ZHX3: variants seen among roughly 807,000 people sequenced by gnomAD.
ZHX3 encodes the protein zinc fingers and homeoboxes protein 3.
A neutral mutation model predicts 64.5 loss-of-function variants in ZHX3; 20 were observed. That is an observed-to-expected ratio of 0.31 (90% CI 0.22 to 0.45). The LOEUF (loss-of-function observed/expected upper bound fraction) is 0.45, where lower values mean the gene tolerates loss of function less well. Among genes scored for constraint, ZHX3 ranks in the 20% least tolerant of loss-of-function variants. ZHX3 has a pLI of 1.00. For missense variants in ZHX3, 1,041 were observed against 1,195.8 expected, an observed-to-expected ratio of 0.87 and a Z score of 1.91; for synonymous variants, 423 against 461.6, an observed-to-expected ratio of 0.92 and a Z score of 1.07.
At chr20:41,287,053 T>G (rs2043971171) in intron 1 of ZHX3, among the ~76,000 whole-genome samples, 1 of 152,232 alleles carries the variant, frequency 6.6e-6, no homozygotes, top group South Asian at 2.1e-4. Context: ...AGGTAGTATC[T>G]TTATAGCAGT....
rs565198872 is a variant in ZHX3 at position 41,303,601 on chromosome 20, G to C, written c.-245+13908C>G. 2.6e-5 allele frequency among the ~76,000 whole-genome samples: 4 copies of C among 152,208 alleles called. No homozygotes were observed. In the East Asian group the frequency reaches 7.7e-4, roughly 29 times the overall value. On this transcript the variant is annotated intron_variant, in intron 1 of 3. Coordinates refer to ENST00000683867, the MANE Select transcript of ZHX3 (RefSeq NM_001384317.1). ...ATAGACTTCTCTGTATCCCCAAATAGCCTTTCCTCTTTCCACACAGTCAAA... is the reference window on the plus strand; with the variant it reads ...ATAGACTTCTCTGTATCCCCAAATACCCTTTCCTCTTTCCACACAGTCAAA...
intron 1 of ZHX3, among the ~76,000 whole-genome samples, chr20:41,314,910 T>C (rs993601429): frequency 6.6e-6 from 1 of 152,148 alleles, no homozygotes; most frequent in Admixed American, 6.6e-5. Flanking sequence ...TTCTGAGCCC[T>C]GAGGATATAT....
Position 41,202,628 on chromosome 20 carries a change from G to C in ZHX3, c.2289C>G (p.Leu763=). Residue 763 remains leucine (L), a synonymous_variant, in exon 3 of 4, where the codon CTC becomes CTG. Transcript: ENST00000683867. The surrounding 1 kb of genome is among the most constrained non-coding windows in gnomAD (Gnocchi z 7.0). ...TCTTTTTGCAGCTCACTTTGCCTGG[G>C]AGCTGCTCTGCCAGTTTGTTTGACT... ...DDESNKLAEQ[L]PGKVSCKKTA... is the part of the protein sequence containing the mutation. The C allele has an allele frequency of 2.5e-6, 4 of 1,613,858 alleles. No homozygotes were observed. Among genetic ancestry groups the C allele is most frequent in the Non-Finnish European group, 3.4e-6 (4 of 1,180,014 alleles).
At chr20:41,227,313 G>A (rs1290160508) in intron 2 of ZHX3, among the ~76,000 whole-genome samples, 1 of 152,172 alleles carries the variant, frequency 6.6e-6, no homozygotes, top group Non-Finnish European at 1.5e-5. Context: ...GGAAAGGAGA[G>A]GAATAGTGCT....
At chr20:41,306,573 C>T (rs1035901358) in intron 1 of ZHX3, among the ~76,000 whole-genome samples, 1 of 152,194 alleles carries the variant, frequency 6.6e-6, no homozygotes, top group Non-Finnish European at 1.5e-5. Flanking sequence ...TGGTGTCCAG[C>T]ATAGTATCTG....
intron 2 of ZHX3, among the ~76,000 whole-genome samples, chr20:41,238,369 CAG>C (rs1374028301): frequency 6.6e-6 from 1 of 151,474 alleles, no homozygotes; most frequent in African/African-American, 2.4e-5. Context: ...AGGGTAATAA[CAG>C]AGACTAAGAG....
chr20:41,304,550 T>C (rs2044918380), intron 1 of ZHX3, among the ~76,000 whole-genome samples: 1 of 152,240 alleles, frequency 6.6e-6, no homozygotes, highest in Admixed American at 6.5e-5. Flanking sequence ...TACAGAGAAA[T>C]AGAACCAATA....
chr20:41,208,449 A>G (rs1045740872), intron 2 of ZHX3, among the ~76,000 whole-genome samples: 1 of 152,262 alleles, frequency 6.6e-6, no homozygotes, highest in African/African-American at 2.4e-5. Context: ...TCAATAAAAT[A>G]CTGGCAAATC....
chr20:41,254,341 C>A (rs965408872), intron 2 of ZHX3, among the ~76,000 whole-genome samples: 1 of 152,142 alleles, frequency 6.6e-6, no homozygotes, highest in African/African-American at 2.4e-5. Flanking sequence ...GTTTCCTCAT[C>A]TATGGAATAA....
chr20:41,314,968 A>C (rs1183837819), intron 1 of ZHX3, among the ~76,000 whole-genome samples: 1 of 152,228 alleles, frequency 6.6e-6, no homozygotes, highest in Non-Finnish European at 1.5e-5. Flanking sequence ...GGAGAGAGAC[A>C]ATACACCAAC....
chr20:41,307,517 T>C (rs1322722759), intron 1 of ZHX3, among the ~76,000 whole-genome samples: 5 of 152,250 alleles, frequency 3.3e-5, no homozygotes, highest in Admixed American at 6.5e-5. Flanking sequence ...AAGATCATTT[T>C]CAGCTATGCT....
At chr20:41,187,876 G>C (rs1377722781) in intron 3 of ZHX3, among the ~76,000 whole-genome samples, 2 of 152,088 alleles carry the variant, frequency 1.3e-5, no homozygotes, top group Non-Finnish European at 2.9e-5. Flanking sequence ...AGCATATTTA[G>C]GGTATCCATC....
intron 2 of ZHX3, among the ~76,000 whole-genome samples, chr20:41,247,251 G>A (rs2041752255): frequency 6.6e-6 from 1 of 152,208 alleles, no homozygotes; most frequent in East Asian, 1.9e-4. Context: ...CTGGGTGACA[G>A]AGGGAGAACC....
intron 2 of ZHX3, among the ~76,000 whole-genome samples, chr20:41,225,047 G>A (rs766915422): frequency 3.0e-4 from 46 of 152,152 alleles, no homozygotes; most frequent in South Asian, 4.1e-4. Flanking sequence ...CATAATAATC[G>A]TTTTCAGTGA....
At chr20:41,268,351 T>C (rs1044544149) in intron 2 of ZHX3, among the ~76,000 whole-genome samples, 7 of 119,958 alleles carry the variant, frequency 5.8e-5, no homozygotes, top group African/African-American at 3.0e-4. Flanking sequence ...ATGAAGGCTC[T>C]ATTTACAATG....
chr20:41,236,974 AAAG>A (rs1410826878), intron 2 of ZHX3, among the ~76,000 whole-genome samples: 1 of 152,358 alleles, frequency 6.6e-6, no homozygotes, highest in African/African-American at 2.4e-5. Context: ...ACACTTCTCA[AAAG>A]AAGACATTTA....
Position 41,282,361 on chromosome 20 carries a change from C to CTTTTT in ZHX3, c.-244-13283_-244-13279dup, listed in dbSNP as rs568284480. On this transcript the variant is annotated intron_variant, in intron 1 of 3. Transcript: ENST00000683867. ...TAGAGGTCCATTAGACACAATTCAT[C>CTTTTT]TTTTTTTTTTTTTTTTTTTGCGAAG... Among the ~76,000 whole-genome samples the CTTTTT allele has an allele frequency of 3.6e-3, 354 of 97,186 alleles. 50 individuals are homozygous for CTTTTT. The highest frequency in any genetic ancestry group is 0.012 in the Admixed American group (87 of 7,564). The allele number at this position is 97,186 out of a possible 152,430, so 63.8% of individuals were successfully genotyped here.
chr20:41,278,188 C>CAA (rs2043487848), intron 1 of ZHX3, among the ~76,000 whole-genome samples: 1 of 136,978 alleles, frequency 7.3e-6, no homozygotes, highest in Admixed American at 7.3e-5. Context: ...ACTAAAAATA[C>CAA]AAAAATTAGC....
At chr20:41,289,906 C>T (rs557510162) in intron 1 of ZHX3, among the ~76,000 whole-genome samples, 1 of 152,252 alleles carries the variant, frequency 6.6e-6, no homozygotes, top group Non-Finnish European at 1.5e-5. Context: ...CACTTCTATC[C>T]TAGTTGTAGT....
Sources: allele counts gnomAD v4.1 joint callset (sites outside exome capture counted in the v4.1 genomes callset), GRCh38; gene constraint gnomAD v4.1.1; non-coding constraint Gnocchi (gnomAD v3.1); transcripts MANE v1.5; gene names NCBI Gene and HGNC (gene_info 2026-07-23, HGNC 2026-07-21).